The following STARD9 variants were observed in gnomAD, a reference collection of about 807,000 sequenced individuals.
STARD9 encodes the protein stAR-related lipid transfer protein 9.
Under a neutral mutation model 399.8 loss-of-function variants are expected in STARD9, and 346 were observed. The ratio of observed to expected loss-of-function variants is 0.87; its 90% confidence interval spans 0.79 to 0.95. STARD9 has a LOEUF of 0.95. Among genes scored for constraint, STARD9 ranks in the 40% least tolerant of loss-of-function variants. STARD9 has a pLI of 0.00. For missense variants in STARD9, 5,832 were observed against 5,667.5 expected (o/e 1.03, Z -0.93); for synonymous variants, 2,203 against 2,143.5 (o/e 1.03, Z -0.77).
chr15:42,636,102 G>T (rs574066969), intron 4 of STARD9, among the ~76,000 whole-genome samples: 1 of 152,272 alleles, frequency 6.6e-6, no homozygotes, highest in Admixed American at 6.5e-5. Flanking sequence ...TTTGAGAACA[G>T]TCTAGGCAAC....
At chr15:42,595,877 C>G (rs1258941436) in intron 3 of STARD9, among the ~76,000 whole-genome samples, 1 of 152,186 alleles carries the variant, frequency 6.6e-6, no homozygotes, top group Non-Finnish European at 1.5e-5. Flanking sequence ...AGCAGCACAG[C>G]TGTTTGGTTC....
In STARD9 at chr15:42,702,559, GTCTA is replaced by G. The variant is rs34928615; in HGVS notation, c.13284+6686_13284+6689del. Among the ~76,000 whole-genome samples the G allele has an allele frequency of 7.1e-3, 1,075 of 152,256 alleles. 9 individuals carry two copies. Among genetic ancestry groups the G allele is most frequent in the Non-Finnish European group, 0.011 (753 of 68,028 alleles). ...ATTCTTCATAGCAAAGATAGGAGTT[GTCTA>G]TCTATCACAGTTATAATATTAGAGT... is the stretch of plus-strand genomic sequence containing the variant. On this transcript the variant is annotated intron_variant, in intron 26 of 32. Coordinates refer to ENST00000290607, the MANE Select transcript of STARD9 (RefSeq NM_020759.3).
intron 3 of STARD9, among the ~76,000 whole-genome samples, chr15:42,592,212 T>C (rs1478021066): frequency 6.6e-6 from 1 of 152,206 alleles, no homozygotes; most frequent in African/African-American, 2.4e-5. Context: ...CACAGTAAGA[T>C]GTGAGTTCTA....
In STARD9 at chr15:42,684,215, G is replaced by T. The variant is rs1263067559; in HGVS notation, c.2637G>T (p.Gln879His). 6.5e-7 allele frequency: 1 copy of T among 1,537,252 alleles called. No homozygotes were observed. The highest frequency in any genetic ancestry group is 2.0e-5 in the Admixed American group (1 of 50,992). ...CATCATCAGAAGAGCATTTGCCACA[G>T]GCTGCTTCCTACCCTGCAAGGACAG... ...EKTSSEEHLP[Q>H]AASYPARTGC... is the part of the protein sequence containing the mutation. Residue 879 changes from glutamine (Q) to histidine (H), a missense_variant, in exon 23 of 33, where the codon CAG becomes CAT. Transcript: ENST00000290607.
intron 9 of STARD9, among the ~76,000 whole-genome samples, chr15:42,657,893 G>A (rs553239935): frequency 1.3e-5 from 2 of 152,300 alleles, no homozygotes; most frequent in African/African-American, 4.8e-5. Context: ...TTCAGCAAAT[G>A]GTGGGAGAAC....
chr15:42,718,963 GC>G (rs1444755106), intron 32 of STARD9, 53 bp downstream of exon 32: 7 of 1,496,672 alleles, frequency 4.7e-6, no homozygotes, highest in Non-Finnish European at 5.4e-6. Context: ...TGGTCCCACA[GC>G]CCCCTGGGAT....
intron 1 of STARD9, among the ~76,000 whole-genome samples, chr15:42,579,027 C>T (rs930786682): frequency 6.6e-6 from 1 of 152,132 alleles, no homozygotes; most frequent in African/African-American, 2.4e-5. Context: ...CAAATCCAAC[C>T]AGAAATTCCC....
intron 3 of STARD9, among the ~76,000 whole-genome samples, chr15:42,600,526 CTTTTTT>C (rs796979908): frequency 1.4e-5 from 2 of 139,516 alleles, no homozygotes; most frequent in Non-Finnish European, 3.2e-5. Context: ...TTCTTTCTTT[CTTTTTT>C]TTTTTTTTTT....
intron 1 of STARD9, chr15:42,581,423 C>T (rs2058167200): frequency 7.9e-6 from 12 of 1,525,950 alleles, no homozygotes; most frequent in Non-Finnish European, 1.1e-5. Context: ...CGCTGATGGC[C>T]ACGGTGTGGG....
At chr15:42,714,086 G>T (rs1431237638) in intron 26 of STARD9, among the ~76,000 whole-genome samples, 1 of 128,328 alleles carries the variant, frequency 7.8e-6, no homozygotes. Flanking sequence ...TTTTTGAGAC[G>T]GTGTCTTGCT....
At chr15:42,638,879 T>C in intron 7 of STARD9, 67 bp downstream of exon 7, 1 of 890,930 alleles carries the variant, frequency 1.1e-6, no homozygotes, top group Non-Finnish European at 1.7e-6. Context: ...TAATGTTCCC[T>C]AATTCATTGA....
chr15:42,691,867 T>C lies in STARD9; in HGVS notation c.10289T>C (p.Leu3430Ser), dbSNP rs1421777442. 1.5e-5 allele frequency: 23 copies of C among 1,537,164 alleles called. No homozygotes were observed. Among genetic ancestry groups the C allele is most frequent in the Non-Finnish European group, 2.0e-5 (23 of 1,146,916 alleles). The change falls in exon 23 of 33, where the codon TTG becomes TCG. Residue 3430 changes from leucine (L) to serine (S), a missense_variant. Leu to Ser is a moderately radical substitution (Grantham distance 145, BLOSUM62 -2). Transcript: ENST00000290607. ...ACGACCAGCTGGATGTCTGGTACTT[T>C]GGAACAAGCCCAACAGGGAAAGCGA... Reference protein sequence around the residue: ...DFTTSWMSGTLEQAQQGKREK... With the variant: ...DFTTSWMSGTSEQAQQGKREK...
chr15:42,682,341 T>A lies in STARD9; in HGVS notation c.2303T>A (p.Val768Asp). 6.5e-7 allele frequency: 1 copy of A among 1,537,106 alleles called. No homozygotes were observed. Among genetic ancestry groups the A allele is most frequent in the Non-Finnish European group, 8.7e-7 (1 of 1,146,884 alleles). The change falls in exon 22 of 33, where the codon GTC becomes GAC. Residue 768 changes from valine (V) to aspartate (D), a missense_variant. Around this residue, in one of 2 missense-constraint regions of STARD9, gnomAD observed 5,828 missense variants for 5,651.1 expected, o/e 1.03. Transcript: ENST00000290607. ...GAGCGGAATGTCCGGCGGAAAAAGG[T>A]CTCATTCCAGCTAGAGAGAATCATC... Reference protein sequence around the residue: ...AAERNVRRKKVSFQLERIIKK... With the variant: ...AAERNVRRKKDSFQLERIIKK...
intron 3 of STARD9, among the ~76,000 whole-genome samples, chr15:42,594,550 A>G (rs1352547961): frequency 6.6e-6 from 1 of 152,240 alleles, no homozygotes; most frequent in Non-Finnish European, 1.5e-5. Flanking sequence ...CAGAATATTA[A>G]TACTGGAAGA....
In STARD9 at chr15:42,688,523, A is replaced by G. The variant is rs1180636194; in HGVS notation, c.6945A>G (p.Pro2315=). Residue 2315 remains proline, a synonymous_variant, in exon 23 of 33, where the codon CCA becomes CCG. Transcript: ENST00000290607. ...DTFFRQETVS[P]LLSRTEFCTA... is the part of the protein sequence containing the mutation. ...TTTTCAGGCAGGAAACTGTCAGCCC[A>G]TTACTAAGCCGGACAGAATTCTGTA... 1.3e-6 allele frequency: 2 copies of G among 1,537,930 alleles called. No homozygotes were observed. The highest frequency in any genetic ancestry group is 2.0e-5 in the Admixed American group (1 of 51,012).
Position 42,647,707 on chromosome 15 carries a change from T to C in STARD9, c.560-3309T>C, listed in dbSNP as rs77880860. Reference sequence around the variant, plus strand: ...TCACAGTTTTGGTCTTTTAATTTGGTATTGTGGTCTGCTTGTATTTAATGT... The same window carrying C: ...TCACAGTTTTGGTCTTTTAATTTGGCATTGTGGTCTGCTTGTATTTAATGT... On this transcript the variant is annotated intron_variant, in intron 7 of 32. Coordinates refer to ENST00000290607, the MANE Select transcript of STARD9 (RefSeq NM_020759.3). 2.6e-5 allele frequency among the ~76,000 whole-genome samples: 4 copies of C among 152,316 alleles called. No individual in the cohort carries two copies. In the East Asian group the frequency reaches 5.8e-4, roughly 22 times the overall value.
intron 3 of STARD9, among the ~76,000 whole-genome samples, chr15:42,628,943 TG>T (rs2059277618): frequency 6.6e-6 from 1 of 152,190 alleles, no homozygotes; most frequent in Non-Finnish European, 1.5e-5. Context: ...ATTTTAGGAT[TG>T]TTTTTTCTAT....
At chr15:42,577,247 G>A (rs1418788517) in intron 1 of STARD9, among the ~76,000 whole-genome samples, 1 of 151,744 alleles carries the variant, frequency 6.6e-6, no homozygotes, top group African/African-American at 2.4e-5. Flanking sequence ...TCCGCCTCCC[G>A]GGTTCACGCC....
At chr15:42,632,856 TAAAG>T (rs1363432490) in intron 3 of STARD9, among the ~76,000 whole-genome samples, 1 of 149,484 alleles carries the variant, frequency 6.7e-6, no homozygotes, top group Non-Finnish European at 1.5e-5. Context: ...AAAAAATAAA[TAAAG>T]AGCCAGACAC....
Sources: gnomAD v4.1 joint callset for allele counts (sites outside exome capture counted in the v4.1 genomes callset) on GRCh38, gnomAD v4.1.1 for gene constraint, gnomAD v4.1.1 regional missense constraint, MANE v1.5 for transcripts, NCBI Gene and HGNC (gene_info 2026-07-23, HGNC 2026-07-21) for gene names.